The following ERC1 variants were observed in gnomAD, a reference collection of about 807,000 sequenced individuals.
ERC1 encodes RAB6 interacting protein 2.
In ERC1, 56 loss-of-function variants were observed where a neutral mutation model predicts 132.0. The observed-to-expected ratio is 0.42, with a 90% CI of 0.34 to 0.53. ERC1 has a LOEUF of 0.53. Among genes scored for constraint, ERC1 ranks in the 20% least tolerant of loss-of-function variants. The pLI is 0.03. For missense variants in ERC1, 1,202 were observed against 1,349.9 expected, an observed-to-expected ratio of 0.89 and a Z score of 1.72; for synonymous variants, 478 against 476.1, an observed-to-expected ratio of 1.00 and a Z score of -0.05.
intron 12 of ERC1, among the ~76,000 whole-genome samples, chr12:1,191,296 A>AAC (rs1407245046): frequency 6.6e-6 from 1 of 152,060 alleles, no homozygotes; most frequent in Non-Finnish European, 1.5e-5. Flanking sequence ...CCTTCCCCAC[A>AAC]ACACACACAT....
chr12:1,091,588 C>G (rs1355356611), intron 3 of ERC1, among the ~76,000 whole-genome samples: 1 of 152,166 alleles, frequency 6.6e-6, no homozygotes, highest in East Asian at 1.9e-4. Flanking sequence ...GCGCACAGCA[C>G]TAAGGATATA....
At chr12:1,062,053 T>C (rs527239931) in intron 2 of ERC1, among the ~76,000 whole-genome samples, 191 of 145,794 alleles carry the variant, frequency 1.3e-3, no homozygotes, top group African/African-American at 4.3e-3. Flanking sequence ...TGCAGTGGCA[T>C]GATCTCGGCT....
At chr12:1,162,200 G>A (rs552968749) in intron 8 of ERC1, among the ~76,000 whole-genome samples, 21 of 152,234 alleles carry the variant, frequency 1.4e-4, no homozygotes, top group Admixed American at 8.5e-4. Flanking sequence ...ATTAGTATTG[G>A]GCTCCTCCTT....
intron 10 of ERC1, 42 bp downstream of exon 10, chr12:1,182,107 T>C (rs1954542973): frequency 8.2e-6 from 13 of 1,591,828 alleles, no homozygotes; most frequent in Non-Finnish European, 6.9e-6. Context: ...TGCTTAATCA[T>C]TGCATGTGTC....
intron 12 of ERC1, among the ~76,000 whole-genome samples, chr12:1,212,269 A>T (rs983819468): frequency 3.3e-5 from 5 of 152,156 alleles, no homozygotes; most frequent in Admixed American, 6.6e-5. Context: ...GGTTTTCCCC[A>T]AGATAACACA....
intron 17 of ERC1, among the ~76,000 whole-genome samples, chr12:1,435,638 G>A (rs986662703): frequency 3.3e-5 from 5 of 152,208 alleles, no homozygotes; most frequent in African/African-American, 4.8e-5. Flanking sequence ...TACTAAGCTG[G>A]AAATATTGGC....
At chr12:1,068,988 A>G (rs1172147809) in intron 2 of ERC1, among the ~76,000 whole-genome samples, 1 of 152,220 alleles carries the variant, frequency 6.6e-6, no homozygotes, top group Non-Finnish European at 1.5e-5. Flanking sequence ...GAGAAACATA[A>G]GGTCTTATAT....
At chr12:1,181,818 A>T in intron 9 of ERC1, 107 bp from the exon 10 acceptor site, 1 of 1,192,390 alleles carries the variant, frequency 8.4e-7, no homozygotes, top group Middle Eastern at 2.0e-4. Flanking sequence ...TTAAAAACTT[A>T]CCATTGTCTT....
intron 14 of ERC1, among the ~76,000 whole-genome samples, chr12:1,287,374 A>T (rs907376262): frequency 1.3e-5 from 2 of 152,242 alleles, no homozygotes; most frequent in Non-Finnish European, 2.9e-5. Context: ...GGTTAACTTT[A>T]TATGTTGACT....
chr12:1,316,897 T>C (rs1248853201), intron 15 of ERC1, among the ~76,000 whole-genome samples: 3 of 152,206 alleles, frequency 2.0e-5, no homozygotes, highest in Admixed American at 6.5e-5. Flanking sequence ...TGGCGGCTCA[T>C]GCCTGTAATC....
intron 16 of ERC1, among the ~76,000 whole-genome samples, chr12:1,378,239 C>T (rs562387237): frequency 6.6e-6 from 1 of 152,142 alleles, no homozygotes; most frequent in South Asian, 2.1e-4. Flanking sequence ...AATTCTTAGC[C>T]CAGGGCCCTG....
chr12:1,302,415 G>A (rs1342031416), intron 15 of ERC1, among the ~76,000 whole-genome samples: 1 of 152,100 alleles, frequency 6.6e-6, no homozygotes, highest in Non-Finnish European at 1.5e-5. Context: ...TGAACCCTGA[G>A]ATTGCAAAAG....
At chr12:1,293,316 G>A (rs1469334444) in intron 15 of ERC1, among the ~76,000 whole-genome samples, 8 of 149,870 alleles carry the variant, frequency 5.3e-5, no homozygotes, top group African/African-American at 2.0e-4. Context: ...AGCCAGGCGT[G>A]GTGGCGGGCG....
chr12:1,318,258 T>G (rs2081900826), intron 15 of ERC1, among the ~76,000 whole-genome samples: 1 of 152,050 alleles, frequency 6.6e-6, no homozygotes, highest in Non-Finnish European at 1.5e-5. Flanking sequence ...TTGCCTGGGG[T>G]TTGGTATTTT....
intron 7 of ERC1, among the ~76,000 whole-genome samples, chr12:1,133,165 T>TG (rs958209329): frequency 1.5e-3 from 229 of 151,210 alleles, no homozygotes; most frequent in East Asian, 5.0e-3. Flanking sequence ...GCCGGTTTTT[T>TG]TTTGTTTGTT....
chr12:1,135,975 G>C (rs1949208389), intron 7 of ERC1, among the ~76,000 whole-genome samples: 1 of 152,154 alleles, frequency 6.6e-6, no homozygotes, highest in Non-Finnish European at 1.5e-5. Context: ...AAGCATTTCA[G>C]GTATTATCAG....
chr12:1,331,518 A>G (rs566521398), intron 15 of ERC1, among the ~76,000 whole-genome samples: 1 of 152,096 alleles, frequency 6.6e-6, no homozygotes, highest in Non-Finnish European at 1.5e-5. Flanking sequence ...ACCCAGGGAG[A>G]TAGTGGGGCT....
chr12:1,214,254 C>G (rs751909432), intron 12 of ERC1, among the ~76,000 whole-genome samples: 10 of 152,216 alleles, frequency 6.6e-5, no homozygotes, highest in Admixed American at 2.0e-4. Flanking sequence ...TCAGACAGAC[C>G]TGAGTTTGAG....
At chr12:1,409,953 C>G (rs2091746401) in intron 17 of ERC1, among the ~76,000 whole-genome samples, 1 of 152,116 alleles carries the variant, frequency 6.6e-6, no homozygotes. Flanking sequence ...AGGTGATCTG[C>G]CCGCCTTGGC....
Sources: allele counts gnomAD v4.1 joint callset (sites outside exome capture counted in the v4.1 genomes callset), GRCh38; gene constraint gnomAD v4.1.1; transcripts MANE v1.5; gene names NCBI Gene and HGNC (gene_info 2026-07-23, HGNC 2026-07-21).